Variants in RNF43 observed in about 807,000 individuals in gnomAD.
RNF43 encodes the protein E3 ubiquitin-protein ligase RNF43.
Under a neutral mutation model 78.4 loss-of-function variants are expected in RNF43, and 37 were observed. The ratio of observed to expected loss-of-function variants is 0.47; its 90% CI spans 0.36 to 0.62. The LOEUF (loss-of-function observed/expected upper bound fraction) is 0.62. Among genes scored for constraint, RNF43 ranks in the 20% least tolerant of loss-of-function variants. RNF43 has a pLI of 0.00. For missense variants in RNF43, 774 were observed against 1,007.9 expected, an observed-to-expected ratio of 0.77 and a Z score of 3.14; for synonymous variants, 347 against 395.0, an observed-to-expected ratio of 0.88 and a Z score of 1.44.
At chr17:58,397,194 A>C (rs1369424552) in intron 2 of RNF43, among the ~76,000 whole-genome samples, 1 of 152,228 alleles carries the variant, frequency 6.6e-6, no homozygotes, top group Non-Finnish European at 1.5e-5. Flanking sequence ...AATGTGAAAC[A>C]ATTCATCAAC....
chr17:58,361,004 C>T, intron 6 of RNF43, 60 bp from the exon 7 acceptor site: 4 of 1,475,738 alleles, frequency 2.7e-6, no homozygotes, highest in Non-Finnish European at 2.7e-6. Context: ...CCTCTCTGGA[C>T]CCAAGCTTGG....
chr17:58,386,256 T>A (rs188184576), intron 2 of RNF43, among the ~76,000 whole-genome samples: 1 of 152,090 alleles, frequency 6.6e-6, no homozygotes, highest in African/African-American at 2.4e-5. Flanking sequence ...TGAAACCCTG[T>A]CTCTACTAAA....
chr17:58,359,675 C>T (rs1270758623), intron 8 of RNF43, among the ~76,000 whole-genome samples: 4 of 151,462 alleles, frequency 2.6e-5, no homozygotes, highest in African/African-American at 9.7e-5. Context: ...GCCTGTAATC[C>T]CAGCACTTTG....
chr17:58,396,163 AC>A (rs1973675833), intron 2 of RNF43, among the ~76,000 whole-genome samples: 1 of 152,174 alleles, frequency 6.6e-6, no homozygotes, highest in South Asian at 2.1e-4. Context: ...CAAAATCCCA[AC>A]CTAAAAAAGA....
chr17:58,410,505 A>C (rs1974007047), intron 2 of RNF43, among the ~76,000 whole-genome samples: 1 of 152,248 alleles, frequency 6.6e-6, no homozygotes, highest in African/African-American at 2.4e-5. Flanking sequence ...TCATACTTTG[A>C]ATATCTACTC....
At chr17:58,371,845 G>A (rs1973103429) in intron 2 of RNF43, among the ~76,000 whole-genome samples, 1 of 152,208 alleles carries the variant, frequency 6.6e-6, no homozygotes, top group African/African-American at 2.4e-5. Flanking sequence ...AGAACGTGCT[G>A]ACAGAAATCT....
At chr17:58,381,095 A>G (rs1973306156) in intron 2 of RNF43, among the ~76,000 whole-genome samples, 1 of 152,210 alleles carries the variant, frequency 6.6e-6, no homozygotes, top group South Asian at 2.1e-4. Context: ...CAAAGTGGCA[A>G]AATTATGGAG....
intron 2 of RNF43, among the ~76,000 whole-genome samples, chr17:58,404,121 G>C (rs1374014141): frequency 6.6e-6 from 1 of 152,158 alleles, no homozygotes; most frequent in East Asian, 1.9e-4. Flanking sequence ...CCAGAAGACT[G>C]GGAGTACAAC....
intron 2 of RNF43, among the ~76,000 whole-genome samples, chr17:58,405,096 G>A (rs1240679808): frequency 2.0e-4 from 4 of 19,722 alleles, no homozygotes; most frequent in Non-Finnish European, 4.7e-4. Context: ...TTTTTTTTTT[G>A]AGACAGAGTC....
At chr17:58,376,480 G>A (rs1218561034) in intron 2 of RNF43, among the ~76,000 whole-genome samples, 2 of 152,122 alleles carry the variant, frequency 1.3e-5, no homozygotes, top group Non-Finnish European at 2.9e-5. Flanking sequence ...TACAATGAGA[G>A]CTTTTCAAAT....
At chr17:58,381,910 GA>G (rs5821228) in intron 2 of RNF43, among the ~76,000 whole-genome samples, 1 of 151,420 alleles carries the variant, frequency 6.6e-6, no homozygotes, top group African/African-American at 2.4e-5. Context: ...GTTCTATAGA[GA>G]AAAAAAATGG....
intron 2 of RNF43, among the ~76,000 whole-genome samples, chr17:58,400,144 G>A (rs1239188725): frequency 6.6e-6 from 1 of 152,096 alleles, no homozygotes; most frequent in Non-Finnish European, 1.5e-5. Flanking sequence ...AAGGTCCAGG[G>A]CAGATAAGTG....
At chr17:58,411,337 C>A (rs1347340238) in intron 2 of RNF43, among the ~76,000 whole-genome samples, 1 of 152,118 alleles carries the variant, frequency 6.6e-6, no homozygotes, top group Non-Finnish European at 1.5e-5. Context: ...ACAGTTTAGA[C>A]ACTTTGTCAA....
intron 3 of RNF43, among the ~76,000 whole-genome samples, chr17:58,368,712 CAAAA>C (rs71365882): frequency 1.0e-5 from 1 of 95,810 alleles, no homozygotes; most frequent in Non-Finnish European, 2.2e-5. Context: ...GACTCTGTCT[CAAAA>C]AAAAAAAAAA....
At chr17:58,356,477 T>C (rs964598755) in intron 9 of RNF43, among the ~76,000 whole-genome samples, 4 of 152,156 alleles carry the variant, frequency 2.6e-5, no homozygotes, top group Admixed American at 2.0e-4. Context: ...GTAAACACCA[T>C]GTTAAAGTTG....
chr17:58,400,974 TTCAACTGGTGACC>T (rs1350029391), intron 2 of RNF43, among the ~76,000 whole-genome samples: 10 of 152,006 alleles, frequency 6.6e-5, no homozygotes, highest in Admixed American at 6.6e-4. Context: ...TCACAGAGCA[TTCAACTGGTGACC>T]ATAGGGTAAC....
At chr17:58,359,647 C>T (rs1346327024) in intron 8 of RNF43, among the ~76,000 whole-genome samples, 2 of 150,992 alleles carry the variant, frequency 1.3e-5, no homozygotes, top group African/African-American at 4.9e-5. Context: ...TATCTACATG[C>T]CAGGCACGGT....
At position 58,360,400 on chromosome 17, in the gene RNF43, G is replaced by T; in HGVS notation, c.850-149C>A. On this transcript the variant is annotated intron_variant, in intron 7 of 9. Coordinates refer to ENST00000407977, the MANE Select transcript of RNF43 (RefSeq NM_017763.6). This position sits in a 1 kb window ranked among gnomAD's most constrained non-coding sequence, Gnocchi z 4.3. Reference sequence around the variant, plus strand: ...GTAGAATAGGAATGGTATGAGCTTTGGCATCACATAGACCTGGATTTTGCA... The same window carrying T: ...GTAGAATAGGAATGGTATGAGCTTTTGCATCACATAGACCTGGATTTTGCA... 1 of 633,562 alleles carries T rather than the reference G, an allele frequency of 1.6e-6. No individual in the cohort carries two copies. 39.2% of individuals were successfully genotyped at this position (633,562 alleles called of 1,614,324 possible). A position where few individuals can be genotyped will look rare whatever the true frequency, so the allele number is the denominator to read the frequency against.
rs1972817882 is a variant in RNF43, at chr17:58,360,744, C to T, written c.849+39G>A. The T allele has an allele frequency of 6.3e-7, 1 of 1,579,440 alleles. No homozygotes were observed. On this transcript the variant is annotated intron_variant, in intron 7 of 9. Transcript: ENST00000407977. This position sits in a 1 kb window ranked among gnomAD's most constrained non-coding sequence, Gnocchi z 4.3. ...ACCCCTCCCCCAGCTTCAATCTCCC[C>T]AGTCTGGTCATGGAGGTGAACCACA...
Sources: gnomAD v4.1 joint callset for allele counts (sites outside exome capture counted in the v4.1 genomes callset) on GRCh38, gnomAD v4.1.1 for gene constraint, Gnocchi (gnomAD v3.1) non-coding constraint, MANE v1.5 for transcripts, NCBI Gene and HGNC (gene_info 2026-07-23, HGNC 2026-07-21) for gene names.